The following MYO3A variants were observed in gnomAD, a reference collection of about 807,000 sequenced individuals.
MYO3A encodes myosin IIIA, also known as myosin-IIIa.
Under a neutral mutation model 192.7 loss-of-function variants are expected in MYO3A, and 180 were observed. The observed-to-expected ratio is 0.93, with a 90% CI of 0.83 to 1.06. MYO3A has a LOEUF of 1.06. MYO3A is among the 50% of genes least tolerant of loss of function. The probability of loss-of-function intolerance (pLI) is 0.00; values close to 1 mark genes in which losing one functional copy is unlikely to be tolerated. For synonymous variants in MYO3A, 628 were observed against 645.3 expected (o/e 0.97, Z 0.41); for missense variants, 1,896 against 1,905.0 (o/e 1.00, Z 0.09).
intron 14 of MYO3A, among the ~76,000 whole-genome samples, chr10:26,079,375 A>C (rs1835783036): frequency 6.6e-6 from 1 of 151,784 alleles, no homozygotes; most frequent in Non-Finnish European, 1.5e-5. Flanking sequence ...CTTTACTTTA[A>C]GTTTATGTGA....
Position 26,152,099 on chromosome 10 carries a change from T to A in MYO3A, c.2636-1751T>A, listed in dbSNP as rs138325944. On this transcript the variant is annotated intron_variant, in intron 23 of 34. Transcript: ENST00000642920. Reference sequence around the variant, plus strand: ...ATATGCAGCCAGGCTCTAAATACTATGTTGTGTTGCTTGGCTATCAGCAGA... The same window carrying A: ...ATATGCAGCCAGGCTCTAAATACTAAGTTGTGTTGCTTGGCTATCAGCAGA... Among the ~76,000 whole-genome samples the A allele has an allele frequency of 2.4e-4, 36 of 152,336 alleles. No homozygotes were observed. The East Asian group carries it at 6.2e-3, about 26-fold the overall frequency.
At chr10:26,149,301 T>C (rs759408759) in intron 23 of MYO3A, among the ~76,000 whole-genome samples, 15 of 152,042 alleles carry the variant, frequency 9.9e-5, no homozygotes, top group Non-Finnish European at 2.1e-4. Flanking sequence ...GTGGCACAAT[T>C]TCGGCTCACT....
chr10:25,999,334 G>T (rs1469095470), intron 6 of MYO3A, among the ~76,000 whole-genome samples: 1 of 152,094 alleles, frequency 6.6e-6, no homozygotes, highest in East Asian at 1.9e-4. Context: ...TGCATTCCTA[G>T]TATCTGACAC....
chr10:26,173,061 A>G (rs868455058), intron 29 of MYO3A, among the ~76,000 whole-genome samples: 2 of 151,974 alleles, frequency 1.3e-5, no homozygotes, highest in Non-Finnish European at 2.9e-5. Flanking sequence ...GCTAGAAAAA[A>G]AAAAAAAGAT....
At chr10:26,160,048 C>G (rs1589056020) in intron 26 of MYO3A, among the ~76,000 whole-genome samples, 1 of 151,196 alleles carries the variant, frequency 6.6e-6, no homozygotes, top group Non-Finnish European at 1.5e-5. Context: ...TAAAATTTGA[C>G]CTTATTATCA....
intron 2 of MYO3A, among the ~76,000 whole-genome samples, chr10:25,936,722 C>T (rs80203474): frequency 2.0e-5 from 3 of 152,178 alleles, no homozygotes; most frequent in Admixed American, 6.5e-5. Context: ...CACGTAATTT[C>T]TACCATGAAC....
chr10:25,996,396 G>A (rs1348189900), intron 4 of MYO3A, 94 bp from the exon 5 acceptor site: 1 of 960,614 alleles, frequency 1.0e-6, no homozygotes, highest in African/African-American at 1.6e-5. Flanking sequence ...AGAGAACATT[G>A]GAACACTTTT....
intron 2 of MYO3A, among the ~76,000 whole-genome samples, chr10:25,936,723 T>C (rs1455990613): frequency 6.6e-6 from 1 of 152,250 alleles, no homozygotes; most frequent in Non-Finnish European, 1.5e-5. Context: ...ACGTAATTTC[T>C]ACCATGAACT....
chr10:26,075,658 A>T (rs577236298), intron 14 of MYO3A, among the ~76,000 whole-genome samples: 1 of 91,402 alleles, frequency 1.1e-5, no homozygotes, highest in African/African-American at 3.3e-5. Context: ...TATGTCTCTC[A>T]TATATATATG....
chr10:26,153,154 C>T (rs1840902949), intron 23 of MYO3A, among the ~76,000 whole-genome samples: 1 of 152,166 alleles, frequency 6.6e-6, no homozygotes, highest in South Asian at 2.1e-4. Flanking sequence ...ATTTCAGGGG[C>T]CTTCCATGTG....
chr10:26,157,262 C>A, intron 25 of MYO3A, 48 bp from the exon 26 acceptor site: 1 of 1,556,570 alleles, frequency 6.4e-7, no homozygotes, highest in Non-Finnish European at 8.9e-7. Flanking sequence ...CAAGCTCATA[C>A]GTTTTTGTAT....
chr10:26,125,177 A>T lies in MYO3A; in HGVS notation c.1904-221A>T, dbSNP rs3817416. ...CAGCCAGTGTGATTTGGGTTATGTT[A>T]TAATATGCAGTAACCTAAGTTTAAC... On this transcript the variant is annotated intron_variant, in intron 18 of 34. Transcript: ENST00000642920. Among the ~76,000 whole-genome samples the T allele has an allele frequency of 0.14, 21,585 of 152,198 alleles. 1,758 individuals are homozygous for T. The highest frequency in any genetic ancestry group is 0.31 in the East Asian group (1,613 of 5,180).
At chr10:26,105,551 A>G (rs1475937866) in intron 17 of MYO3A, among the ~76,000 whole-genome samples, 1 of 152,050 alleles carries the variant, frequency 6.6e-6, no homozygotes, top group African/African-American at 2.4e-5. Context: ...AATTATTTAT[A>G]TGCTTTATGT....
chr10:26,187,125 A>T (rs765373924), intron 31 of MYO3A, among the ~76,000 whole-genome samples: 4 of 152,232 alleles, frequency 2.6e-5, no homozygotes, highest in Non-Finnish European at 5.9e-5. Context: ...AAATGAAATC[A>T]CAGTCTTTGC....
At chr10:26,113,244 G>T (rs1174488971) in intron 17 of MYO3A, among the ~76,000 whole-genome samples, 2 of 152,152 alleles carry the variant, frequency 1.3e-5, no homozygotes, top group Non-Finnish European at 2.9e-5. Context: ...ACTGAGGCGG[G>T]CGGATTGCCT....
chr10:25,999,970 G>A (rs1364058009), intron 6 of MYO3A, among the ~76,000 whole-genome samples: 1 of 152,076 alleles, frequency 6.6e-6, no homozygotes, highest in East Asian at 1.9e-4. Context: ...TCTCTTGCCT[G>A]GGCTCCTGCA....
intron 29 of MYO3A, among the ~76,000 whole-genome samples, chr10:26,172,822 C>T (rs932622549): frequency 1.3e-5 from 2 of 152,068 alleles, no homozygotes; most frequent in Admixed American, 1.3e-4. Context: ...AAAATGGAAT[C>T]CCGGTAGCTT....
chr10:26,176,770 C>A lies in MYO3A; in HGVS notation c.4363C>A (p.Leu1455Met), dbSNP rs763910833. 1.2e-6 allele frequency: 2 copies of A among 1,613,312 alleles called. No homozygotes were observed. Among genetic ancestry groups the A allele is most frequent in the East Asian group, 4.5e-5 (2 of 44,878 alleles). ...KLNEMILSQQLKSLYLGVSHH... is the reference protein window; with the variant it reads ...KLNEMILSQQMKSLYLGVSHH... Reference sequence around the variant, plus strand: ...GAATGAAATGATTTTGTCACAGCAACTGAAGTCACTTTATCTGGGTGTCTC... The same window carrying A: ...GAATGAAATGATTTTGTCACAGCAAATGAAGTCACTTTATCTGGGTGTCTC... The change falls in exon 31 of 35, where the codon CTG becomes ATG. Residue 1455 changes from leucine (L) to methionine (M), a missense_variant. Physicochemically the swap from Leu to Met is conservative, Grantham distance 15. Coordinates refer to ENST00000642920, the MANE Select transcript of MYO3A (RefSeq NM_017433.5).
chr10:26,185,478 T>G (rs1049532664), intron 31 of MYO3A, among the ~76,000 whole-genome samples: 3 of 151,718 alleles, frequency 2.0e-5, no homozygotes, highest in Non-Finnish European at 2.9e-5. Flanking sequence ...TAGCTGGGAT[T>G]ACAGGCGTGT....
Sources: allele counts gnomAD v4.1 joint callset (sites outside exome capture counted in the v4.1 genomes callset), GRCh38; gene constraint gnomAD v4.1.1; transcripts MANE v1.5; gene names NCBI Gene and HGNC (gene_info 2026-07-23, HGNC 2026-07-21).